The following DIS3L2 variants were observed in gnomAD, a reference collection of about 807,000 sequenced individuals.
DIS3L2 encodes the protein DIS3 like 3'-5' exoribonuclease 2.
DIS3L2 carries 34 observed loss-of-function variants against 97.5 expected under a neutral mutation model. The ratio of observed to expected loss-of-function variants is 0.35; its 90% CI spans 0.27 to 0.46. DIS3L2 has a LOEUF of 0.46. Ranked by LOEUF, DIS3L2 falls within the 20% of genes least tolerant of loss-of-function variation. The pLI is 1.00. For synonymous variants in DIS3L2, 435 were observed against 445.2 expected (o/e 0.98, Z 0.29); for missense variants, 1,038 against 1,146.0 (o/e 0.91, Z 1.36).
intron 1 of DIS3L2, among the ~76,000 whole-genome samples, chr2:231,984,553 A>G (rs1341236242): frequency 7.1e-6 from 1 of 140,168 alleles, no homozygotes; most frequent in African/African-American, 2.6e-5. Flanking sequence ...CGCCCGGCTA[A>G]TTTTTTTTTT....
intron 13 of DIS3L2, among the ~76,000 whole-genome samples, chr2:232,282,142 TAA>T (rs60408194): frequency 3.0e-4 from 32 of 107,104 alleles, no homozygotes; most frequent in East Asian, 8.0e-4. Flanking sequence ...CTCGTTTATT[TAA>T]AAAAAAAAAA....
chr2:232,221,929 C>T (rs983187655), intron 10 of DIS3L2, among the ~76,000 whole-genome samples: 2 of 151,952 alleles, frequency 1.3e-5, no homozygotes, highest in African/African-American at 4.8e-5. Flanking sequence ...CTCTTCCATG[C>T]GAAGTCATTT....
chr2:232,182,777 A>G (rs1691327744), intron 9 of DIS3L2, among the ~76,000 whole-genome samples: 1 of 152,186 alleles, frequency 6.6e-6, no homozygotes, highest in South Asian at 2.1e-4. Context: ...CTGCACATGC[A>G]TACACACACA....
At chr2:231,984,881 A>G (rs1335584271) in intron 1 of DIS3L2, among the ~76,000 whole-genome samples, 2 of 152,184 alleles carry the variant, frequency 1.3e-5, no homozygotes, top group East Asian at 1.9e-4. Flanking sequence ...TCAGCCTCCT[A>G]AAGTGCTGGG....
chr2:232,327,882 C>A (rs1013407046), intron 14 of DIS3L2, among the ~76,000 whole-genome samples: 1 of 152,240 alleles, frequency 6.6e-6, no homozygotes, highest in African/African-American at 2.4e-5. Flanking sequence ...CCTGTTTTCT[C>A]TGCGTCCATG....
At chr2:231,981,435 A>AT (rs1185379818) in intron 1 of DIS3L2, among the ~76,000 whole-genome samples, 1 of 151,136 alleles carries the variant, frequency 6.6e-6, no homozygotes, top group African/African-American at 2.4e-5. Flanking sequence ...CTAGATAGTC[A>AT]TTTTATCTGT....
chr2:232,105,453 A>C (rs1442012603), intron 6 of DIS3L2, among the ~76,000 whole-genome samples: 2 of 152,184 alleles, frequency 1.3e-5, no homozygotes, highest in Non-Finnish European at 2.9e-5. Flanking sequence ...CTTTATTCAA[A>C]TATAACTGGA....
At chr2:232,063,484 T>G (rs372337493) in intron 5 of DIS3L2, among the ~76,000 whole-genome samples, 10 of 151,700 alleles carry the variant, frequency 6.6e-5, no homozygotes, top group African/African-American at 2.2e-4. Context: ...GGATTTTTTG[T>G]TTTTTTTGTG....
At position 232,288,372 on chromosome 2, in the gene DIS3L2, G is replaced by C. The variant is rs1386048150; in HGVS notation, c.1660-11668G>C. ...AAATCGTAGAGCGTCTCTTCTAACT[G>C]ATATAGCAGGGGCTTATTATGAGTG... On this transcript the variant is annotated intron_variant, in intron 13 of 20. Coordinates refer to ENST00000325385, the MANE Select transcript of DIS3L2 (RefSeq NM_152383.5). Among the ~76,000 whole-genome samples the C allele has an allele frequency of 3.9e-5, 6 of 152,326 alleles. No homozygotes were observed. In the East Asian group the frequency reaches 9.6e-4, roughly 24 times the overall value.
chr2:232,086,677 G>GTGTA lies in DIS3L2; in HGVS notation c.367-809_367-808insGTAT, dbSNP rs1553606041. On this transcript the variant is annotated intron_variant, in intron 5 of 20. Coordinates refer to ENST00000325385, the MANE Select transcript of DIS3L2 (RefSeq NM_152383.5). ...TATATATATGTGTGTGTGTGTGTGT[G>GTGTA]TATATATATATTTTTTGAGACAGAG... Among the ~76,000 whole-genome samples the GTGTA allele has an allele frequency of 2.8e-4, 15 of 54,540 alleles. 1 individual carries two copies. Among genetic ancestry groups the GTGTA allele is most frequent in the African/African-American group, 6.9e-4 (10 of 14,502 alleles). The allele number at this position is 54,540 out of a possible 152,430, so 35.8% of individuals were successfully genotyped here.
chr2:232,219,277 T>C (rs1314388049), intron 10 of DIS3L2, among the ~76,000 whole-genome samples: 1 of 152,240 alleles, frequency 6.6e-6, no homozygotes, highest in Non-Finnish European at 1.5e-5. Context: ...AGGGTGTTCC[T>C]TGGATATCTC....
At chr2:232,065,820 C>A (rs1695838863) in intron 5 of DIS3L2, among the ~76,000 whole-genome samples, 2 of 151,778 alleles carry the variant, frequency 1.3e-5, no homozygotes, top group Admixed American at 1.3e-4. Flanking sequence ...TTATTTAGGT[C>A]TTCTTTAATT....
Position 232,333,908 on chromosome 2 carries a change from G to T in DIS3L2, c.2079G>T (p.Val693=), listed in dbSNP as rs772840869. The change falls in exon 17 of 21, where the codon GTG becomes GTT. Residue 693 remains valine (V), a synonymous_variant. Transcript: ENST00000325385. ...PAQFRHYALN[V]PLYTHFTSPI... ...AGTTCCGGCACTACGCGCTCAATGTGCCCCTGTACACACACTTCACCTCGC... is the reference window on the plus strand; with the variant it reads ...AGTTCCGGCACTACGCGCTCAATGTTCCCCTGTACACACACTTCACCTCGC... The T allele has an allele frequency of 4.3e-6, 7 of 1,612,776 alleles. No homozygotes were observed. The highest frequency in any genetic ancestry group is 3.3e-5 in the Admixed American group (2 of 59,996).
At chr2:232,186,448 G>T (rs559667552) in intron 9 of DIS3L2, among the ~76,000 whole-genome samples, 27 of 152,108 alleles carry the variant, frequency 1.8e-4, no homozygotes, top group Non-Finnish European at 3.4e-4. Flanking sequence ...AAGCCCAGAT[G>T]GTTTCACTGG....
At chr2:232,044,884 C>A (rs1364331696) in intron 5 of DIS3L2, among the ~76,000 whole-genome samples, 1 of 152,084 alleles carries the variant, frequency 6.6e-6, no homozygotes, top group African/African-American at 2.4e-5. Context: ...CCTGCCTCAG[C>A]CTCCCAAAAT....
intron 14 of DIS3L2, chr2:232,328,557 G>A (rs956266934): frequency 1.3e-5 from 2 of 152,166 alleles, no homozygotes; most frequent in East Asian, 3.9e-4. Flanking sequence ...CTCACCCGCA[G>A]CACTACTCAC....
chr2:232,334,326 GC>G lies in DIS3L2; in HGVS notation c.2159-37del, dbSNP rs761697195. On this transcript the variant is annotated intron_variant, in intron 17 of 20. Transcript: ENST00000325385. ...CATCCCCCAGCCATAGCTCTTCCCA[GC>G]CCCCCAGGCTCCCACTCTCATGCCT... 157 of 1,601,712 alleles carry G rather than the reference GC, an allele frequency of 9.8e-5. No homozygotes were observed. The Middle Eastern group carries it at 1.8e-3, about 19-fold the overall frequency.
At chr2:232,306,640 A>G (rs1367800376) in intron 14 of DIS3L2, among the ~76,000 whole-genome samples, 2 of 152,216 alleles carry the variant, frequency 1.3e-5, no homozygotes, top group Non-Finnish European at 2.9e-5. Flanking sequence ...AAACTTAAAT[A>G]TGGTCACTCA....
At chr2:232,217,731 G>A (rs1448871316) in intron 10 of DIS3L2, among the ~76,000 whole-genome samples, 2 of 152,198 alleles carry the variant, frequency 1.3e-5, no homozygotes, top group African/African-American at 4.8e-5. Context: ...GGCGAGGTAT[G>A]GGGGAAGGGA....
Sources: gnomAD v4.1 joint callset for allele counts (sites outside exome capture counted in the v4.1 genomes callset) on GRCh38, gnomAD v4.1.1 for gene constraint, MANE v1.5 for transcripts, NCBI Gene and HGNC (gene_info 2026-07-23, HGNC 2026-07-21) for gene names.